STK36: variants seen among roughly 807,000 people sequenced by gnomAD.
The protein encoded by STK36 is serine/threonine kinase 36.
In STK36, 116 loss-of-function variants were observed where a neutral mutation model predicts 142.2. That is an observed-to-expected ratio of 0.82 (90% CI 0.70 to 0.95). STK36 has a LOEUF of 0.95. STK36 is among the 40% of genes least tolerant of loss of function. The pLI is 0.00. For missense variants in STK36, 1,422 were observed against 1,617.2 expected (o/e 0.88, Z 2.07); for synonymous variants, 619 against 641.7 (o/e 0.96, Z 0.53).
Position 218,694,606 on chromosome 2 carries a change from G to C in STK36, c.2482G>C (p.Ala828Pro). 6.2e-7 allele frequency: 1 copy of C among 1,614,258 alleles called. No homozygotes were observed. The highest frequency in any genetic ancestry group is 8.5e-7 in the Non-Finnish European group (1 of 1,180,038). The change falls in exon 21 of 27, where the codon GCC becomes CCC. Residue 828 changes from alanine to proline, a missense_variant. Ala to Pro is a conservative substitution (Grantham distance 27, BLOSUM62 -1). Coordinates refer to ENST00000295709, the MANE Select transcript of STK36 (RefSeq NM_015690.5). The surrounding 1 kb of genome is among the most constrained non-coding windows in gnomAD (Gnocchi z 4.4). ...CCAGCCCATGGAATGGATGGCTGCA[G>C]CCACACATGCCTTGTCTGCCCCTGC... ...DLQPMEWMAA[A>P]THALSAPAEV...
intron 26 of STK36, among the ~76,000 whole-genome samples, chr2:218,699,658 C>T (rs1941372896): frequency 6.6e-6 from 1 of 151,908 alleles, no homozygotes; most frequent in South Asian, 2.1e-4. Context: ...AGTAGTTTTA[C>T]TCTGTGTGCC....
At chr2:218,682,839 C>T (rs941616461) in intron 10 of STK36, among the ~76,000 whole-genome samples, 1 of 151,948 alleles carries the variant, frequency 6.6e-6, no homozygotes, top group African/African-American at 2.4e-5. Flanking sequence ...GTGGTCTGCC[C>T]GCGTCAGCCT....
rs765002286 is a variant in STK36, at chr2:218,694,645, C to G, written c.2511+10C>G. The G allele has an allele frequency of 1.9e-6, 3 of 1,611,058 alleles. No individual in the cohort carries two copies. Among genetic ancestry groups the G allele is most frequent in the Non-Finnish European group, 2.5e-6 (3 of 1,177,342 alleles). ...GTCTGCCCCTGCAGAGGTGAGGCCC[C>G]CCAGGGAGGGCACAGACATGTTTTC... On this transcript the variant is annotated intron_variant, in intron 21 of 26. Coordinates refer to ENST00000295709, the MANE Select transcript of STK36 (RefSeq NM_015690.5). The surrounding 1 kb of genome is among the most constrained non-coding windows in gnomAD (Gnocchi z 4.4).
At chr2:218,672,407 G>A (rs1940024777) in intron 1 of STK36, 192 bp downstream of exon 1, 1 of 304,698 alleles carries the variant, frequency 3.3e-6, no homozygotes, top group Admixed American at 4.7e-5. Flanking sequence ...CGGGCCAGGG[G>A]GTCTGAGAGC....
Position 218,698,994 on chromosome 2 carries a change from G to A in STK36, c.3450G>A (p.Gln1150=). 1 of 1,614,204 alleles carries A rather than the reference G, an allele frequency of 6.2e-7. No homozygotes were observed. The highest frequency in any genetic ancestry group is 8.5e-7 in the Non-Finnish European group (1 of 1,180,038). Residue 1150 remains glutamine, a synonymous_variant, in exon 26 of 27, where the codon CAG becomes CAA. Transcript: ENST00000295709. ...SMALRGALQS[Q]SGLLSLLLLG... ...CCCTGCGTGGGGCACTGCAGAGCCAGTCTGGACTGCTCAGCCTTCTGCTGC... is the reference window on the plus strand; with the variant it reads ...CCCTGCGTGGGGCACTGCAGAGCCAATCTGGACTGCTCAGCCTTCTGCTGC...
intron 13 of STK36, 34 bp from the exon 14 acceptor site, chr2:218,690,416 G>A: frequency 6.4e-7 from 1 of 1,570,710 alleles, no homozygotes. Flanking sequence ...TTAGTAGAGA[G>A]ATAAGAAATC....
intron 13 of STK36, 147 bp from the exon 14 acceptor site, chr2:218,690,303 A>G (rs954291409): frequency 2.9e-6 from 2 of 700,906 alleles, no homozygotes; most frequent in South Asian, 1.7e-5. Context: ...TGGAGGGTGT[A>G]TGTGTGTGTG....
At chr2:218,690,050 A>C in intron 13 of STK36, 94 bp downstream of exon 13, 1 of 1,189,292 alleles carries the variant, frequency 8.4e-7, no homozygotes, top group Non-Finnish European at 1.2e-6. Context: ...AAGTATGAAG[A>C]AGCTGTGATT....
Position 218,685,224 on chromosome 2 carries a change from G to A in STK36, c.1376G>A (p.Gly459Glu). ...CAGAGTCAGCTGCATGAAGCTGGAG[G>A]GCAGGTAATGGGGAGAAAGACACTG... is the stretch of plus-strand genomic sequence containing the variant. ...RIQSQLHEAG[G>E]QILKGILEGA... Residue 459 changes from glycine (G) to glutamate (E), a missense_variant, in exon 11 of 27, where the codon GGG (glycine) becomes GAG (glutamate). Transcript: ENST00000295709. 1 of 1,614,104 alleles carries A rather than the reference G, an allele frequency of 6.2e-7. No homozygotes were observed.
chr2:218,684,993 A>G (rs1248502874), intron 10 of STK36, 92 bp from the exon 11 acceptor site: 1 of 1,522,098 alleles, frequency 6.6e-7, no homozygotes, highest in Non-Finnish European at 9.0e-7. Context: ...CCTTGCAGTT[A>G]CTTCATGATT....
chr2:218,688,160 C>T (rs551507074), intron 11 of STK36, among the ~76,000 whole-genome samples: 16 of 151,980 alleles, frequency 1.1e-4, no homozygotes, highest in South Asian at 2.1e-4. Flanking sequence ...AACTCTGTCT[C>T]GAAAAATAAA....
intron 11 of STK36, among the ~76,000 whole-genome samples, chr2:218,685,849 G>A (rs1344405452): frequency 2.0e-5 from 3 of 152,106 alleles, no homozygotes; most frequent in Non-Finnish European, 4.4e-5. Flanking sequence ...AATGATAAAT[G>A]ATTTTTAGTA....
At chr2:218,685,045 A>G in intron 10 of STK36, 40 bp from the exon 11 acceptor site, 2 of 1,612,298 alleles carry the variant, frequency 1.2e-6, no homozygotes, top group Non-Finnish European at 1.7e-6. Flanking sequence ...CCTTAGACTT[A>G]CACACTACTC....
rs1575117652 is a variant in STK36, at chr2:218,672,736, A to T, written c.-89-5A>T. On this transcript the variant is annotated splice_region_variant and splice_polypyrimidine_tract_variant and intron_variant, in intron 1 of 26. Coordinates refer to ENST00000295709, the MANE Select transcript of STK36 (RefSeq NM_015690.5). ...AACATTTTTCCTTTCCCGTGCCCCA[A>T]CTAGGCGTCCCAGATGTTGTGGAAC... The T allele has an allele frequency of 1.6e-6, 2 of 1,287,190 alleles. No individual in the cohort carries two copies. Among genetic ancestry groups the T allele is most frequent in the East Asian group, 4.7e-5 (2 of 42,900 alleles). The allele number at this position is 1,287,190 out of a possible 1,614,324, so 79.7% of individuals were successfully genotyped here.
chr2:218,698,087 T>G (rs1941303890), intron 25 of STK36, 86 bp downstream of exon 25: 1 of 1,557,480 alleles, frequency 6.4e-7, no homozygotes, highest in South Asian at 1.2e-5. Context: ...TCCAGGGCTC[T>G]TCTAGGCCCC....
chr2:218,683,513 T>C (rs1480952911), intron 10 of STK36, among the ~76,000 whole-genome samples: 1 of 152,128 alleles, frequency 6.6e-6, no homozygotes. Flanking sequence ...GACCTTGTGA[T>C]CTGCCCGCCT....
chr2:218,692,425 G>A, intron 15 of STK36, 132 bp downstream of exon 15: 2 of 1,486,752 alleles, frequency 1.3e-6, no homozygotes, highest in Non-Finnish European at 1.8e-6. Context: ...TGAACTGAGA[G>A]AATGAATGGG....
Position 218,679,639 on chromosome 2 carries a change from C to T in STK36, c.858C>T (p.Asp286=), listed in dbSNP as rs761675217. The T allele has an allele frequency of 9.9e-6, 16 of 1,614,030 alleles. No homozygotes were observed. The highest frequency in any genetic ancestry group is 3.3e-5 in the Admixed American group (2 of 59,990). The change falls in exon 8 of 27, where the codon GAC becomes GAT. Residue 286 remains aspartate (D), a synonymous_variant. Transcript: ENST00000295709. ...CCCCAGAACTTCAGGTCCTAAAGGA[C>T]GAACAGGCCCATCGGTTGGCCCCCA... ...RLPPELQVLK[D]EQAHRLAPKG... is the part of the protein sequence containing the mutation.
chr2:218,675,923 A>C (rs1179137633), intron 5 of STK36, 106 bp from the exon 6 acceptor site: 1 of 1,454,078 alleles, frequency 6.9e-7, no homozygotes, highest in African/African-American at 1.4e-5. Flanking sequence ...GAACCTAATC[A>C]AAGGTGCTCC....
Sources: gnomAD v4.1 joint callset for allele counts (sites outside exome capture counted in the v4.1 genomes callset) on GRCh38, gnomAD v4.1.1 for gene constraint, Gnocchi (gnomAD v3.1) non-coding constraint, MANE v1.5 for transcripts, NCBI Gene and HGNC (gene_info 2026-07-23, HGNC 2026-07-21) for gene names.